The following PGAP4 variants were observed in gnomAD, a reference collection of about 807,000 sequenced individuals.
PGAP4 encodes GPI-N-acetylgalactosamine transferase PGAP4.
In PGAP4, 12 loss-of-function variants were observed where a neutral mutation model predicts 28.2. That is an observed-to-expected ratio of 0.42 (90% CI 0.27 to 0.69). The LOEUF (loss-of-function observed/expected upper bound fraction) is 0.69, where lower values mean the gene tolerates loss of function less well. Ranked by LOEUF, PGAP4 falls within the 30% of genes least tolerant of loss-of-function variation. The probability of loss-of-function intolerance (pLI) is 0.22; values close to 1 mark genes in which losing one functional copy is unlikely to be tolerated. For synonymous variants in PGAP4, 205 were observed against 211.8 expected (o/e 0.97, Z 0.28); for missense variants, 425 against 513.5 (o/e 0.83, Z 1.67).
At chr9:101,526,227 G>T (rs546239831) in intron 2 of PGAP4, among the ~76,000 whole-genome samples, 4 of 152,216 alleles carry the variant, frequency 2.6e-5, no homozygotes, top group South Asian at 2.1e-4. Flanking sequence ...TCACTCTGTT[G>T]TAAGTGGCTA....
At chr9:101,529,213 T>G (rs1229147528) in intron 2 of PGAP4, among the ~76,000 whole-genome samples, 1 of 150,224 alleles carries the variant, frequency 6.7e-6, no homozygotes, top group Non-Finnish European at 1.5e-5. Flanking sequence ...TGGAGTGCAA[T>G]GGTGTGATCT....
chr9:101,519,348 G>A (rs573145412), intron 2 of PGAP4, among the ~76,000 whole-genome samples: 4 of 152,112 alleles, frequency 2.6e-5, no homozygotes, highest in South Asian at 2.1e-4. Flanking sequence ...TAGTCGAGAC[G>A]GGGTTTCACT....
chr9:101,475,931 T>C lies in PGAP4; in HGVS notation c.1162A>G (p.Ile388Val). The change falls in exon 2 of 2, where the codon ATC (isoleucine) becomes GTC (valine). Residue 388 changes from isoleucine to valine, a missense_variant. By Grantham distance (29) the Ile-to-Val change is conservative (BLOSUM62 3). Coordinates refer to ENST00000374848, the MANE Select transcript of PGAP4 (RefSeq NM_032342.3). ...YVVEPNLVKH[I>V]GLFSSLRYNF... is the part of the protein sequence containing the mutation. ...TACCGGAGACTGGAGAAGAGCCCGA[T>C]GTGTTTCACGAGGTTCGGCTCCACT... 1.9e-6 allele frequency: 3 copies of C among 1,614,224 alleles called. No individual in the cohort carries two copies. The highest frequency in any genetic ancestry group is 2.5e-6 in the Non-Finnish European group (3 of 1,180,046).
At chr9:101,502,666 C>T (rs1415107336) in intron 2 of PGAP4, among the ~76,000 whole-genome samples, 2 of 152,066 alleles carry the variant, frequency 1.3e-5, no homozygotes, top group East Asian at 1.9e-4. Flanking sequence ...GGGCATCCTT[C>T]CATCCCCAGA....
At chr9:101,523,636 T>C (rs1018299774) in intron 2 of PGAP4, among the ~76,000 whole-genome samples, 1 of 102,108 alleles carries the variant, frequency 9.8e-6, no homozygotes, top group African/African-American at 4.2e-5. Context: ...TTTTTTTTTT[T>C]TTTTTTTTTT....
intron 2 of PGAP4, among the ~76,000 whole-genome samples, chr9:101,503,539 T>C (rs891439095): frequency 1.3e-5 from 2 of 152,090 alleles, no homozygotes; most frequent in Admixed American, 6.6e-5. Context: ...ATGATTATTG[T>C]TATGCATAGA....
At chr9:101,508,873 G>T (rs1826872375) in intron 2 of PGAP4, among the ~76,000 whole-genome samples, 1 of 152,134 alleles carries the variant, frequency 6.6e-6, no homozygotes, top group Admixed American at 6.6e-5. Context: ...CTTACATTCA[G>T]TCTACTCTGT....
intron 1 of PGAP4, among the ~76,000 whole-genome samples, chr9:101,479,294 C>A (rs1419022383): frequency 1.3e-5 from 2 of 152,248 alleles, no homozygotes; most frequent in African/African-American, 4.8e-5. Flanking sequence ...CCCACTCCTG[C>A]AGTATTGGCC....
chr9:101,522,720 T>C (rs1826999329), intron 2 of PGAP4, among the ~76,000 whole-genome samples: 1 of 152,232 alleles, frequency 6.6e-6, no homozygotes, highest in African/African-American at 2.4e-5. Flanking sequence ...AATGTTAGTA[T>C]TGAAATGTGA....
intron 2 of PGAP4, among the ~76,000 whole-genome samples, chr9:101,497,577 G>A (rs1301309525): frequency 6.6e-6 from 1 of 151,526 alleles, no homozygotes; most frequent in African/African-American, 2.4e-5. Flanking sequence ...GTGTGTGTGT[G>A]TATCTATCTA....
chr9:101,518,973 C>G (rs1194767121), intron 2 of PGAP4, among the ~76,000 whole-genome samples: 2 of 152,154 alleles, frequency 1.3e-5, no homozygotes, highest in Non-Finnish European at 2.9e-5. Flanking sequence ...ACGTCAACAT[C>G]TACTGTTTTT....
chr9:101,496,377 G>T (rs1264560280), intron 2 of PGAP4, among the ~76,000 whole-genome samples: 1 of 151,486 alleles, frequency 6.6e-6, no homozygotes, highest in Non-Finnish European at 1.5e-5. Context: ...TTGAACTTTT[G>T]AGATGTAAAT....
chr9:101,506,583 A>G (rs74679422), intron 2 of PGAP4, among the ~76,000 whole-genome samples: 2,432 of 152,196 alleles, frequency 0.016, 27 homozygotes, highest in Non-Finnish European at 0.027. Flanking sequence ...GATCTCCTGT[A>G]CGCTTGACCA....
chr9:101,524,598 G>A (rs1208155716), intron 2 of PGAP4, among the ~76,000 whole-genome samples: 2 of 152,184 alleles, frequency 1.3e-5, no homozygotes, highest in Admixed American at 6.5e-5. Context: ...GATCCCTGTG[G>A]TGCCAGCCAG....
At chr9:101,512,180 A>G (rs1826903874) in intron 2 of PGAP4, among the ~76,000 whole-genome samples, 1 of 152,132 alleles carries the variant, frequency 6.6e-6, no homozygotes, top group Non-Finnish European at 1.5e-5. Context: ...CTAGACCCCA[A>G]CAGACCAAAC....
intron 2 of PGAP4, among the ~76,000 whole-genome samples, chr9:101,529,109 G>T (rs949007872): frequency 1.0e-4 from 15 of 150,298 alleles, no homozygotes; most frequent in African/African-American, 3.7e-4. Flanking sequence ...CCCTGCAAAT[G>T]ACATGATGTC....
chr9:101,476,666 G>A lies in PGAP4; in HGVS notation c.427C>T (p.Leu143=), dbSNP rs1826327476. ...GPQCEGHQLF[L]CNVERSVSHF... ...CTCACACTACGCTCCACGTTGCACA[G>A]GAAGAGTTGGTGCCCCTCGCACTGG... The change falls in exon 2 of 2, where the codon CTG becomes TTG. Residue 143 remains leucine, a synonymous_variant. Transcript: ENST00000374848. The surrounding 1 kb of genome is among the most constrained non-coding windows in gnomAD (Gnocchi z 7.0). 6.2e-7 allele frequency: 1 copy of A among 1,614,180 alleles called. No homozygotes were observed. Among genetic ancestry groups the A allele is most frequent in the African/African-American group, 1.3e-5 (1 of 75,064 alleles).
intron 2 of PGAP4, among the ~76,000 whole-genome samples, chr9:101,503,038 G>C: frequency 6.6e-6 from 1 of 152,018 alleles, no homozygotes; most frequent in East Asian, 1.9e-4. Context: ...CATCCTTTGT[G>C]ATAGATTCTA....
chr9:101,525,234 C>T (rs1827024904), intron 2 of PGAP4, among the ~76,000 whole-genome samples: 2 of 152,268 alleles, frequency 1.3e-5, no homozygotes, highest in South Asian at 4.1e-4. Context: ...TAGGTTTGTG[C>T]TTGCTATTTA....
Sources: allele counts gnomAD v4.1 joint callset (sites outside exome capture counted in the v4.1 genomes callset), GRCh38; gene constraint gnomAD v4.1.1; non-coding constraint Gnocchi (gnomAD v3.1); transcripts MANE v1.5; gene names NCBI Gene and HGNC (gene_info 2026-07-23, HGNC 2026-07-21).